The following WWTR1 variants were observed in gnomAD, a reference collection of about 807,000 sequenced individuals.
WWTR1 encodes WW domain containing transcription regulator 1.
WWTR1 carries 13 observed loss-of-function variants against 40.1 expected under a neutral mutation model. The ratio of observed to expected loss-of-function variants is 0.32; its 90% CI spans 0.21 to 0.52. The LOEUF (loss-of-function observed/expected upper bound fraction) is 0.52. Ranked by LOEUF, WWTR1 falls within the 20% of genes least tolerant of loss-of-function variation. The pLI is 0.97. For missense variants in WWTR1, 436 were observed against 523.1 expected, an observed-to-expected ratio of 0.83 and a Z score of 1.63; for synonymous variants, 230 against 210.1, an observed-to-expected ratio of 1.09 and a Z score of -0.82.
In WWTR1 at chr3:149,627,520, C is replaced by T. The variant is rs576028572; in HGVS notation, c.431+29356G>A. On this transcript the variant is annotated intron_variant, in intron 2 of 6. Transcript: ENST00000360632. ...CCCTTTCCTGCACCCCCTGGAAATGCCAGAGAAGCCAGGAAGAAAGGAATA... is the reference window on the plus strand; with the variant it reads ...CCCTTTCCTGCACCCCCTGGAAATGTCAGAGAAGCCAGGAAGAAAGGAATA... Among the ~76,000 whole-genome samples the T allele has an allele frequency of 9.9e-4, 150 of 152,258 alleles. 1 individual carries two copies. Among genetic ancestry groups the T allele is most frequent in the Non-Finnish European group, 1.5e-3 (101 of 68,018 alleles).
At chr3:149,573,815 A>T (rs1737757367) in intron 2 of WWTR1, among the ~76,000 whole-genome samples, 1 of 152,126 alleles carries the variant, frequency 6.6e-6, no homozygotes, top group Non-Finnish European at 1.5e-5. Flanking sequence ...TTTCCAGTAC[A>T]TTCTAAGAAA....
chr3:149,628,163 A>G (rs191169255), intron 2 of WWTR1, among the ~76,000 whole-genome samples: 27 of 152,000 alleles, frequency 1.8e-4, no homozygotes, highest in East Asian at 7.8e-4. Flanking sequence ...TAGGTCAGGC[A>G]ATCGAGACCA....
At chr3:149,581,466 G>A (rs555515638) in intron 2 of WWTR1, among the ~76,000 whole-genome samples, 28 of 152,182 alleles carry the variant, frequency 1.8e-4, no homozygotes, top group Middle Eastern at 3.4e-3. Flanking sequence ...GAAAGTTTCC[G>A]GTCAGATTTT....
intron 4 of WWTR1, among the ~76,000 whole-genome samples, chr3:149,528,620 T>C (rs1375318023): frequency 6.6e-6 from 1 of 152,010 alleles, no homozygotes; most frequent in East Asian, 1.9e-4. Context: ...TGAAACCCTG[T>C]CTCTACAAAA....
chr3:149,517,935 A>G lies in WWTR1; in HGVS notation c.*2870T>C, dbSNP rs1449940074. ...GATGATGTTTACTGATTGATTTAGT[A>G]CTAAAAAGACTAGTACTAAGAAGAC... is the stretch of plus-strand genomic sequence containing the variant. On this transcript the variant is annotated 3_prime_UTR_variant, in exon 7 of 7. Transcript: ENST00000360632. 1.3e-5 allele frequency: 2 copies of G among 152,156 alleles called. No individual in the cohort carries two copies. The highest frequency in any genetic ancestry group is 4.8e-5 in the African/African-American group (2 of 41,442). The allele number at this position is 152,156 out of a possible 1,614,324, so 9.4% of individuals were successfully genotyped here.
chr3:149,557,214 G>A (rs1736871528), intron 3 of WWTR1, among the ~76,000 whole-genome samples: 1 of 151,828 alleles, frequency 6.6e-6, no homozygotes, highest in Non-Finnish European at 1.5e-5. Context: ...GAGATTACAG[G>A]CGCCCACCAC....
At chr3:149,534,231 G>A (rs75629755) in intron 4 of WWTR1, among the ~76,000 whole-genome samples, 2,828 of 152,168 alleles carry the variant, frequency 0.019, 30 homozygotes, top group Middle Eastern at 0.061. Flanking sequence ...TCTCTTCCTC[G>A]TGACAACCCA....
chr3:149,706,216 A>C (rs972423643), upstream of WWTR1, among the ~76,000 whole-genome samples: 2 of 152,140 alleles, frequency 1.3e-5, no homozygotes, highest in African/African-American at 4.8e-5. Flanking sequence ...AGAAAAAATA[A>C]AAAAGAAAAA....
intron 1 of WWTR1, among the ~76,000 whole-genome samples, chr3:149,691,131 A>C (rs939779809): frequency 1.5e-4 from 23 of 152,004 alleles, no homozygotes; most frequent in African/African-American, 5.5e-4. Flanking sequence ...AAAAATAAAA[A>C]CACAACATAC....
chr3:149,678,433 A>G (rs1024040340), intron 1 of WWTR1, among the ~76,000 whole-genome samples: 1 of 152,166 alleles, frequency 6.6e-6, no homozygotes, highest in African/African-American at 2.4e-5. Flanking sequence ...CATAATGGCC[A>G]GTAGTACATT....
At chr3:149,592,768 T>G (rs1738793022) in intron 2 of WWTR1, among the ~76,000 whole-genome samples, 1 of 152,238 alleles carries the variant, frequency 6.6e-6, no homozygotes, top group South Asian at 2.1e-4. Flanking sequence ...ATTCTTAGTG[T>G]GCTTTCGAAA....
intron 5 of WWTR1, among the ~76,000 whole-genome samples, chr3:149,710,391 T>G (rs888789458): frequency 3.3e-5 from 5 of 152,120 alleles, no homozygotes; most frequent in Non-Finnish European, 2.9e-5. Flanking sequence ...TGAATCACAC[T>G]GCCTAGGATC....
At chr3:149,539,274 CGTCGTAT>C (rs1378402726) in intron 4 of WWTR1, among the ~76,000 whole-genome samples, 1 of 152,164 alleles carries the variant, frequency 6.6e-6, no homozygotes, top group Non-Finnish European at 1.5e-5. Context: ...CTTTCAGATT[CGTCGTAT>C]CATTCAAGAA....
At chr3:149,539,980 TA>T (rs1486904326) in intron 4 of WWTR1, among the ~76,000 whole-genome samples, 1 of 151,934 alleles carries the variant, frequency 6.6e-6, no homozygotes. Context: ...CTGCCATGAT[TA>T]AAAAGTCTAT....
intron 2 of WWTR1, among the ~76,000 whole-genome samples, chr3:149,576,896 T>A (rs2108005232): frequency 6.6e-6 from 1 of 152,200 alleles, no homozygotes. Context: ...ACACAGGTCA[T>A]AAGGTATAAG....
intron 2 of WWTR1, among the ~76,000 whole-genome samples, chr3:149,643,690 A>G (rs1200123251): frequency 6.6e-6 from 1 of 152,156 alleles, no homozygotes; most frequent in East Asian, 1.9e-4. Flanking sequence ...AAACTAAATT[A>G]TCTGAATTAT....
At chr3:149,647,896 C>T (rs542296894) in intron 2 of WWTR1, among the ~76,000 whole-genome samples, 1 of 152,228 alleles carries the variant, frequency 6.6e-6, no homozygotes, top group African/African-American at 2.4e-5. Context: ...ATGAGCCCAC[C>T]CTAGCTGAGG....
At chr3:149,535,677 CATT>C (rs1304153366) in intron 4 of WWTR1, among the ~76,000 whole-genome samples, 1 of 146,036 alleles carries the variant, frequency 6.8e-6, no homozygotes, top group Admixed American at 6.9e-5. Context: ...TTAAAGAAAA[CATT>C]ATAATTTAGA....
chr3:149,724,330 A>T (rs909765821), intron 3 of WWTR1: 2 of 152,162 alleles, frequency 1.3e-5, no homozygotes, highest in East Asian at 3.9e-4. Flanking sequence ...TTTCTTGCCC[A>T]TCTCTTTCCT....
Sources: allele counts gnomAD v4.1 joint callset (sites outside exome capture counted in the v4.1 genomes callset), GRCh38; gene constraint gnomAD v4.1.1; transcripts MANE v1.5; gene names NCBI Gene and HGNC (gene_info 2026-07-23, HGNC 2026-07-21).